The following GNA14 variants were observed in gnomAD, a reference collection of about 807,000 sequenced individuals.
GNA14 encodes guanine nucleotide-binding protein subunit alpha-14.
Under a neutral mutation model 42.0 loss-of-function variants are expected in GNA14, and 50 were observed. That is an observed-to-expected ratio of 1.19 (90% CI 0.95 to 1.51). GNA14 has a LOEUF of 1.51. Ranked by LOEUF, GNA14 falls within the 40% of genes most tolerant of loss-of-function variation. GNA14 has a pLI of 0.00. For synonymous variants in GNA14, 173 were observed against 163.1 expected (o/e 1.06, Z -0.46); for missense variants, 473 against 446.2 (o/e 1.06, Z -0.54).
intron 1 of GNA14, among the ~76,000 whole-genome samples, chr9:77,582,666 T>C (rs1466623090): frequency 2.0e-5 from 3 of 152,216 alleles, no homozygotes. Flanking sequence ...CCACAAGATT[T>C]AATCATTTGT....
At chr9:77,489,723 G>A (rs993928224) in intron 2 of GNA14, among the ~76,000 whole-genome samples, 8 of 152,018 alleles carry the variant, frequency 5.3e-5, no homozygotes, top group East Asian at 1.9e-4. Flanking sequence ...TTAAGGCAGC[G>A]CGTCTGGAGT....
At chr9:77,443,578 T>G (rs1350312024) in intron 2 of GNA14, among the ~76,000 whole-genome samples, 2 of 152,240 alleles carry the variant, frequency 1.3e-5, no homozygotes, top group Non-Finnish European at 2.9e-5. Flanking sequence ...CGTCCTTCTC[T>G]TTCCCTTCCT....
chr9:77,453,746 GCAGC>G (rs1835952455), intron 2 of GNA14, among the ~76,000 whole-genome samples: 1 of 152,196 alleles, frequency 6.6e-6, no homozygotes, highest in Non-Finnish European at 1.5e-5. Flanking sequence ...TCATAAGCCT[GCAGC>G]CACCACAACA....
intron 4 of GNA14, 32 bp from the exon 5 acceptor site, chr9:77,429,068 T>A (rs750939533): frequency 6.2e-7 from 1 of 1,611,244 alleles, no homozygotes; most frequent in South Asian, 1.1e-5. Context: ...CCTTCAAAGG[T>A]TGGAATACAT....
chr9:77,552,715 A>C (rs1387799799), intron 1 of GNA14, among the ~76,000 whole-genome samples: 1 of 152,218 alleles, frequency 6.6e-6, no homozygotes, highest in Non-Finnish European at 1.5e-5. Flanking sequence ...AACATCAGAG[A>C]AACAAGGATA....
At chr9:77,424,220 C>A (rs543153367) in intron 6 of GNA14, 51 bp from the exon 7 acceptor site, 17 of 1,318,864 alleles carry the variant, frequency 1.3e-5, no homozygotes, top group South Asian at 4.3e-5. Context: ...AACACCATGT[C>A]CTCCCAAGAA....
At chr9:77,620,913 AT>A (rs1422761593) in intron 1 of GNA14, among the ~76,000 whole-genome samples, 1 of 151,176 alleles carries the variant, frequency 6.6e-6, no homozygotes, top group African/African-American at 2.4e-5. Flanking sequence ...TTTAAATAAA[AT>A]TTTTTAAAAT....
intron 2 of GNA14, among the ~76,000 whole-genome samples, chr9:77,452,638 G>GCATA (rs1564018394): frequency 1.3e-4 from 6 of 46,770 alleles, no homozygotes; most frequent in East Asian, 1.3e-3. Context: ...TGTGCGGTGT[G>GCATA]TGTGTTTGTG....
chr9:77,432,312 G>A (rs560286937), intron 3 of GNA14, among the ~76,000 whole-genome samples: 34 of 152,250 alleles, frequency 2.2e-4, no homozygotes, highest in Non-Finnish European at 4.6e-4. Flanking sequence ...CCTGTTCACC[G>A]TATGCCTTCA....
chr9:77,519,646 G>A (rs1029135990), intron 2 of GNA14, among the ~76,000 whole-genome samples: 1 of 152,080 alleles, frequency 6.6e-6, no homozygotes, highest in Non-Finnish European at 1.5e-5. Context: ...TGGAGACTAC[G>A]TAGGGTGGGA....
intron 1 of GNA14, among the ~76,000 whole-genome samples, chr9:77,613,923 T>C (rs1823771465): frequency 6.8e-6 from 1 of 146,450 alleles, no homozygotes. Context: ...CTCCCAAATG[T>C]AAGGGAAGAA....
rs774552435 is a variant in GNA14 at position 77,434,371 on chromosome 9, T to C, written c.461A>G (p.Lys154Arg). ...CCAGGGTGGGCTCTGTACTCACTAT[T>C]TGGCAGAGTCCGACAGCTGGTACTC... ...RREYQLSDSAKYYLTDIDRIA... is the reference protein window; with the variant it reads ...RREYQLSDSARYYLTDIDRIA... Residue 154 changes from lysine to arginine, a missense_variant, in exon 3 of 7, where the codon AAA (lysine) becomes AGA (arginine). Coordinates refer to ENST00000341700, the MANE Select transcript of GNA14 (RefSeq NM_004297.4). 98 of 1,613,394 alleles carry C rather than the reference T, an allele frequency of 6.1e-5. 1 individual carries two copies. The South Asian group carries it at 1.0e-3, about 17-fold the overall frequency.
At chr9:77,489,708 A>C (rs1836726694) in intron 2 of GNA14, among the ~76,000 whole-genome samples, 1 of 151,336 alleles carries the variant, frequency 6.6e-6, no homozygotes, top group South Asian at 2.1e-4. Context: ...TGAGTGTTAC[A>C]GCTCTTAAGG....
chr9:77,434,982 C>T (rs967654759), intron 2 of GNA14, among the ~76,000 whole-genome samples: 1 of 150,024 alleles, frequency 6.7e-6, no homozygotes, highest in African/African-American at 2.5e-5. Flanking sequence ...AATAAGGAGG[C>T]GCCTTGTCTT....
At chr9:77,460,837 G>C (rs765140198) in intron 2 of GNA14, among the ~76,000 whole-genome samples, 1 of 152,120 alleles carries the variant, frequency 6.6e-6, no homozygotes, top group Non-Finnish European at 1.5e-5. Flanking sequence ...GAAGAGCAGG[G>C]GCCAGGTCCA....
chr9:77,491,209 G>T (rs1158567337), intron 2 of GNA14, among the ~76,000 whole-genome samples: 1 of 152,184 alleles, frequency 6.6e-6, no homozygotes, highest in Non-Finnish European at 1.5e-5. Flanking sequence ...AATGCTAAAA[G>T]AAGTTCTTCA....
At chr9:77,529,407 G>A (rs1244316848) in intron 1 of GNA14, among the ~76,000 whole-genome samples, 154 bp from the exon 2 acceptor site, 4 of 152,080 alleles carry the variant, frequency 2.6e-5, no homozygotes, top group East Asian at 1.9e-4. Flanking sequence ...TGCAGTTTTC[G>A]GTTACAGAGC....
At chr9:77,599,103 TACTC>T (rs1265182090) in intron 1 of GNA14, among the ~76,000 whole-genome samples, 4 of 152,142 alleles carry the variant, frequency 2.6e-5, no homozygotes, top group East Asian at 1.9e-4. Flanking sequence ...GGAAATAACT[TACTC>T]ACTTGGAAGG....
At chr9:77,435,086 C>T (rs1835622634) in intron 2 of GNA14, among the ~76,000 whole-genome samples, 1 of 149,522 alleles carries the variant, frequency 6.7e-6, no homozygotes, top group Non-Finnish European at 1.5e-5. Context: ...TGGCCAGCTG[C>T]GGTGGTTCAT....
Sources: allele counts gnomAD v4.1 joint callset (sites outside exome capture counted in the v4.1 genomes callset), GRCh38; gene constraint gnomAD v4.1.1; transcripts MANE v1.5; gene names NCBI Gene and HGNC (gene_info 2026-07-23, HGNC 2026-07-21).